The following FGF13 variants were observed in gnomAD, a reference collection of about 807,000 sequenced individuals.
FGF13 encodes the protein fibroblast growth factor homologous factor 2.
In FGF13, 2 loss-of-function variants were observed where a neutral mutation model predicts 19.5. The observed-to-expected ratio is 0.10, with a 90% confidence interval of 0.04 to 0.32. The LOEUF is 0.32. Ranked by LOEUF, FGF13 falls within the 10% of genes least tolerant of loss-of-function variation. The pLI is 1.00. For missense variants in FGF13, 113 were observed against 192.7 expected (o/e 0.59, Z 2.45); for synonymous variants, 72 against 76.9 (o/e 0.94, Z 0.33).
intron 3 of FGF13, among the ~76,000 whole-genome samples, chrX:138,645,862 A>G (rs1485332529): frequency 8.9e-6 from 1 of 112,097 alleles, no homozygotes; most frequent in African/African-American, 3.2e-5. Context: ...TAAGAATCTA[A>G]TACTAGAATT....
chrX:138,663,323 CA>C (rs2089507752), intron 3 of FGF13, among the ~76,000 whole-genome samples: 1 of 111,605 alleles, frequency 9.0e-6, no homozygotes, highest in Admixed American at 9.5e-5. Context: ...AGCCTGGAAT[CA>C]AACATTTTCT....
intron 1 of FGF13, among the ~76,000 whole-genome samples, chrX:139,108,808 C>G (rs897333156): frequency 3.6e-5 from 4 of 110,624 alleles, no homozygotes; most frequent in Non-Finnish European, 7.6e-5. Context: ...CCAGCATGCA[C>G]TAGCTATTTT....
At chrX:139,163,081 A>G (rs185976285) in intron 1 of FGF13, among the ~76,000 whole-genome samples, 2 of 112,195 alleles carry the variant, frequency 1.8e-5, no homozygotes, top group Non-Finnish European at 3.8e-5. Context: ...TACTATAAAG[A>G]CACATGCACA....
chrX:138,977,155 G>A (rs1263746857), intron 1 of FGF13, among the ~76,000 whole-genome samples: 4 of 111,688 alleles, frequency 3.6e-5, no homozygotes. Context: ...ATGAACACTG[G>A]CCCAAAGCAG....
At position 139,161,726 on chromosome X, in the gene FGF13, G is replaced by A. The variant is rs189240255; in HGVS notation, c.-113+41690C>T. ...GTCTCAGGATACAAAATCAATGAGC[G>A]CAAAAATCACAAGCATTCCTATACA... is the stretch of plus-strand genomic sequence containing the variant. On this transcript the variant is annotated intron_variant, in intron 1 of 2. Transcript: ENST00000421460. Among the ~76,000 whole-genome samples, 604 of 111,543 alleles carry A rather than the reference G, an allele frequency of 5.4e-3. 2 individuals are homozygous for A. Among genetic ancestry groups the A allele is most frequent in the African/African-American group, 0.019 (570 of 30,685 alleles).
chrX:138,917,954 A>T (rs1463318880), intron 1 of FGF13, among the ~76,000 whole-genome samples: 1 of 111,612 alleles, frequency 9.0e-6, no homozygotes, highest in Admixed American at 9.5e-5. Context: ...TTCCTGAGTT[A>T]TGATGAATCT....
At chrX:138,774,620 A>G (rs2090574559) in intron 3 of FGF13, among the ~76,000 whole-genome samples, 1 of 111,457 alleles carries the variant, frequency 9.0e-6, no homozygotes. Flanking sequence ...TTAACTCCAC[A>G]CTGTTGGCAC....
At chrX:138,957,616 C>T (rs1203750265) in intron 1 of FGF13, among the ~76,000 whole-genome samples, 5 of 111,482 alleles carry the variant, frequency 4.5e-5, no homozygotes, top group Non-Finnish European at 9.4e-5. Flanking sequence ...GCAGTATGGC[C>T]ATTTTCACGA....
At chrX:139,203,788 C>T (rs954910762), upstream of FGF13, among the ~76,000 whole-genome samples, 1 of 112,172 alleles carries the variant, frequency 8.9e-6, no homozygotes, top group Non-Finnish European at 1.9e-5. Flanking sequence ...CTTCGTCTGC[C>T]CGCAGCGCCA....
At chrX:139,103,396 A>G (rs1013847510) in intron 1 of FGF13, among the ~76,000 whole-genome samples, 2 of 112,399 alleles carry the variant, frequency 1.8e-5, no homozygotes, top group African/African-American at 6.5e-5. Context: ...TATAAACAGT[A>G]CTAAGGCTAA....
chrX:138,905,258 C>T (rs1478523336), intron 1 of FGF13, among the ~76,000 whole-genome samples: 1 of 111,554 alleles, frequency 9.0e-6, no homozygotes, highest in Non-Finnish European at 1.9e-5. Flanking sequence ...AACAGAGCCT[C>T]TCACTCAAAT....
At chrX:138,849,472 A>G (rs2091208066) in intron 3 of FGF13, among the ~76,000 whole-genome samples, 1 of 112,242 alleles carries the variant, frequency 8.9e-6, no homozygotes, top group South Asian at 3.7e-4. Context: ...CAGGCAAGTG[A>G]ATTGTCATTT....
intron 1 of FGF13, among the ~76,000 whole-genome samples, chrX:138,931,432 G>T (rs2091701030): frequency 8.9e-6 from 1 of 111,838 alleles, no homozygotes; most frequent in Non-Finnish European, 1.9e-5. Context: ...ATGTTTTTGT[G>T]AAACTCCAAC....
At chrX:139,088,110 T>G (rs2124447045) in intron 1 of FGF13, among the ~76,000 whole-genome samples, 1 of 112,013 alleles carries the variant, frequency 8.9e-6, no homozygotes. Context: ...ATGTTATTCC[T>G]GCAAAATGGC....
chrX:138,770,810 G>C (rs905783444), intron 3 of FGF13, among the ~76,000 whole-genome samples: 4 of 111,448 alleles, frequency 3.6e-5, no homozygotes, highest in Non-Finnish European at 7.5e-5. Flanking sequence ...ATATAAAAAG[G>C]CACCAGCTCG....
intron 3 of FGF13, among the ~76,000 whole-genome samples, chrX:138,754,129 G>A (rs1168573279): frequency 8.9e-6 from 1 of 111,814 alleles, no homozygotes; most frequent in African/African-American, 3.3e-5. Context: ...TGAGTAGAAG[G>A]CATCTTCTTG....
At chrX:139,078,774 A>G (rs1162823404) in intron 1 of FGF13, among the ~76,000 whole-genome samples, 1 of 112,721 alleles carries the variant, frequency 8.9e-6, no homozygotes, top group Non-Finnish European at 1.9e-5. Flanking sequence ...ATAAGGAACT[A>G]TCATTGGAAG....
intron 3 of FGF13, among the ~76,000 whole-genome samples, chrX:138,766,732 G>T (rs966181586): frequency 8.9e-6 from 1 of 111,765 alleles, no homozygotes; most frequent in African/African-American, 3.3e-5. Context: ...CCTGCAAAGA[G>T]ACCAAAGTGA....
chrX:139,150,110 C>G (rs12396785), intron 1 of FGF13, among the ~76,000 whole-genome samples: 10,983 of 111,105 alleles, frequency 0.099, 1,070 homozygotes, highest in African/African-American at 0.3. Context: ...AGAGGGAGGA[C>G]AGTGAGCAAG....
Sources: allele counts gnomAD v4.1 joint callset (sites outside exome capture counted in the v4.1 genomes callset), GRCh38; gene constraint gnomAD v4.1.1; transcripts MANE v1.5; gene names NCBI Gene and HGNC (gene_info 2026-07-23, HGNC 2026-07-21).